Variants in ZDHHC11 observed in about 807,000 individuals in gnomAD.
ZDHHC11 encodes the protein zDHHC palmitoyltransferase 11, also known as palmitoyltransferase ZDHHC11.
In ZDHHC11, 44 loss-of-function variants were observed where a neutral mutation model predicts 51.3. That is an observed-to-expected ratio of 0.86 (90% CI 0.67 to 1.10). The LOEUF (loss-of-function observed/expected upper bound fraction) is 1.10. ZDHHC11 is among the 50% of genes least tolerant of loss of function. The probability of loss-of-function intolerance (pLI) is 0.00; values close to 1 mark genes in which losing one functional copy is unlikely to be tolerated. For missense variants in ZDHHC11, 400 were observed against 537.7 expected (o/e 0.74, Z 2.53); for synonymous variants, 163 against 222.0 (o/e 0.73, Z 2.36).
At chr5:847,077 A>C (rs1203424030) in intron 3 of ZDHHC11, among the ~76,000 whole-genome samples, 1 of 117,868 alleles carries the variant, frequency 8.5e-6, no homozygotes, top group Admixed American at 8.1e-5. Flanking sequence ...CACCGTGCTC[A>C]GGGAAACACC....
intron 1 of ZDHHC11, among the ~76,000 whole-genome samples, chr5:858,421 G>A (rs1420663731): frequency 6.6e-6 from 1 of 151,550 alleles, no homozygotes; most frequent in East Asian, 1.9e-4. Context: ...ATGACACCGT[G>A]GTCCCTGAAT....
chr5:799,974 T>C (rs1452155405), intron 12 of ZDHHC11, among the ~76,000 whole-genome samples: 4 of 151,358 alleles, frequency 2.6e-5, no homozygotes, highest in Non-Finnish European at 5.9e-5. Flanking sequence ...AAACACTTTT[T>C]TTTCTAGAGA....
At chr5:808,430 C>T (rs1739593402) in intron 11 of ZDHHC11, among the ~76,000 whole-genome samples, 1 of 148,686 alleles carries the variant, frequency 6.7e-6, no homozygotes, top group African/African-American at 2.5e-5. Context: ...ACATCCTGTG[C>T]TGTGTCATCA....
At chr5:856,220 C>G (rs1748218817) in intron 1 of ZDHHC11, among the ~76,000 whole-genome samples, 1 of 150,668 alleles carries the variant, frequency 6.6e-6, no homozygotes, top group South Asian at 2.1e-4. Flanking sequence ...ACAGACCACA[C>G]TGACCACACA....
At chr5:825,985 AGTCCACTTCG>A (rs1742315265) in intron 7 of ZDHHC11, among the ~76,000 whole-genome samples, 1 of 140,304 alleles carries the variant, frequency 7.1e-6, no homozygotes, top group Non-Finnish European at 1.6e-5. Context: ...ACCTCCACAG[AGTCCACTTCG>A]GTCCCCTGTC....
intron 5 of ZDHHC11, among the ~76,000 whole-genome samples, chr5:838,824 TCTGCAGCACAAGGGC>T (rs1262272010): frequency 6.7e-6 from 1 of 149,718 alleles, no homozygotes; most frequent in Non-Finnish European, 1.5e-5. Flanking sequence ...GGCCAGCTTC[TCTGCAGCACAAGGGC>T]CTGCAGCACC....
At chr5:823,356 TA>T (rs1243405763) in intron 8 of ZDHHC11, 56 of 151,252 alleles carry the variant, frequency 3.7e-4, no homozygotes, top group African/African-American at 1.1e-3. Context: ...CCACACTCAT[TA>T]CAAACCCTTC....
intron 1 of ZDHHC11, among the ~76,000 whole-genome samples, chr5:848,916 C>T (rs1746696334): frequency 7.4e-6 from 1 of 135,004 alleles, no homozygotes; most frequent in Non-Finnish European, 1.6e-5. Context: ...CAGCCCTGCA[C>T]AGCCAGCCCT....
intron 6 of ZDHHC11, among the ~76,000 whole-genome samples, chr5:836,385 C>G (rs1255582442): frequency 6.7e-6 from 1 of 150,340 alleles, no homozygotes; most frequent in Non-Finnish European, 1.5e-5. Flanking sequence ...AGTGCACATT[C>G]CTGCCCCGTG....
intron 5 of ZDHHC11, among the ~76,000 whole-genome samples, chr5:838,842 G>A (rs1436896635): frequency 6.7e-6 from 1 of 148,906 alleles, no homozygotes; most frequent in Non-Finnish European, 1.5e-5. Flanking sequence ...ACAAGGGCCT[G>A]CAGCACCCCA....
At chr5:859,791 T>C (rs1167450060), upstream of ZDHHC11, among the ~76,000 whole-genome samples, 1 of 152,176 alleles carries the variant, frequency 6.6e-6, no homozygotes, top group Non-Finnish European at 1.5e-5. Context: ...ACATCCTCCC[T>C]CCTGTCCCTG....
At chr5:835,558 T>C (rs1171673104) in intron 6 of ZDHHC11, among the ~76,000 whole-genome samples, 2 of 151,992 alleles carry the variant, frequency 1.3e-5, no homozygotes, top group African/African-American at 4.8e-5. Flanking sequence ...CTCAAAATCA[T>C]TTGGCTAGTA....
At position 801,112 on chromosome 5, in the gene ZDHHC11, C is replaced by G. The variant is rs1339532039; in HGVS notation, c.1234G>C (p.Asp412His). Reference sequence around the variant, plus strand: ...CCACGTATCTTACCTGAATCTCAGTCTTCACTTTCAGCACTGTCAGTTTTC... The same window carrying G: ...CCACGTATCTTACCTGAATCTCAGTGTTCACTTTCAGCACTGTCAGTTTTC... ...PMKTDSAESE[D>H] The change falls in exon 12 of 13, where the codon GAC becomes CAC. Residue 412 changes from aspartate (D) to histidine (H), a missense_variant. Physicochemically the swap from Asp to His is moderately conservative, Grantham distance 81. Around this residue, in one of 5 missense-constraint regions of ZDHHC11, gnomAD observed 231 missense variants for 227.4 expected, o/e 1.02. Coordinates refer to ENST00000283441, the MANE Select transcript of ZDHHC11 (RefSeq NM_024786.3). The G allele has an allele frequency of 6.2e-7, 1 of 1,610,032 alleles. No homozygotes were observed. The highest frequency in any genetic ancestry group is 8.5e-7 in the Non-Finnish European group (1 of 1,176,868).
At chr5:839,777 T>C (rs1322065282) in intron 5 of ZDHHC11, 1 of 175,892 alleles carries the variant, frequency 5.7e-6, no homozygotes, top group East Asian at 1.5e-4. Context: ...GAGCAGGGCA[T>C]TCTTGGGGGC....
intron 11 of ZDHHC11, among the ~76,000 whole-genome samples, chr5:806,669 C>A (rs1343726603): frequency 1.3e-5 from 2 of 151,130 alleles, no homozygotes; most frequent in Non-Finnish European, 3.0e-5. Context: ...TATAAAAACT[C>A]TATAAATCAA....
chr5:833,137 G>A (rs1347578975), intron 7 of ZDHHC11, among the ~76,000 whole-genome samples: 2 of 152,266 alleles, frequency 1.3e-5, no homozygotes. Context: ...ATAGTGAGAA[G>A]AGCGACAGCG....
chr5:803,817 A>T (rs1004320227), intron 11 of ZDHHC11, among the ~76,000 whole-genome samples: 1 of 150,504 alleles, frequency 6.6e-6, no homozygotes, highest in Non-Finnish European at 1.5e-5. Flanking sequence ...TATATTTTTT[A>T]AAAACCAAAA....
chr5:852,982 G>A (rs150667216), upstream of ZDHHC11, among the ~76,000 whole-genome samples: 369 of 134,422 alleles, frequency 2.7e-3, 3 homozygotes, highest in African/African-American at 9.8e-3. Context: ...AAGACCCCAC[G>A]GAGGACAGCG....
At chr5:858,947 T>C (rs1748644729) in exon 1 of ZDHHC11, among the ~76,000 whole-genome samples, 1 of 152,020 alleles carries the variant, frequency 6.6e-6, no homozygotes, top group South Asian at 2.1e-4. Flanking sequence ...AAAAGCAGCG[T>C]CGCTCTCGCT....
Sources: gnomAD v4.1 joint callset for allele counts (sites outside exome capture counted in the v4.1 genomes callset) on GRCh38, gnomAD v4.1.1 for gene constraint, gnomAD v4.1.1 regional missense constraint, MANE v1.5 for transcripts, NCBI Gene and HGNC (gene_info 2026-07-23, HGNC 2026-07-21) for gene names.